The following POU3F3 variants were observed in gnomAD, a reference collection of about 807,000 sequenced individuals.
POU3F3 encodes POU class 3 homeobox 3.
POU3F3 carries 1 observed loss-of-function variant against 8.6 expected under a neutral mutation model. The ratio of observed to expected loss-of-function variants is 0.12; its 90% CI spans 0.04 to 0.55. POU3F3 has a LOEUF of 0.55. Among genes scored for constraint, POU3F3 ranks in the 20% least tolerant of loss-of-function variants. The pLI is 0.91. For missense variants in POU3F3, 577 were observed against 690.7 expected (o/e 0.84, Z 1.84); for synonymous variants, 418 against 327.4 (o/e 1.28, Z -2.99).
chr2:104,907,776 A>T, the POU3F3 span, among the ~76,000 whole-genome samples: 1 of 152,020 alleles, frequency 6.6e-6, no homozygotes, highest in Non-Finnish European at 1.5e-5. Context: ...TGTTATTTTA[A>T]TTACTTTGAC....
At chr2:104,878,195 G>A in the POU3F3 span, among the ~76,000 whole-genome samples, 3 of 152,182 alleles carry the variant, frequency 2.0e-5, no homozygotes, top group African/African-American at 4.8e-5. Flanking sequence ...TGTGCTAGCA[G>A]ACCGAGCCTT....
At chr2:104,872,902 T>C in the POU3F3 span, among the ~76,000 whole-genome samples, 3 of 152,080 alleles carry the variant, frequency 2.0e-5, no homozygotes, top group Admixed American at 6.5e-5. The surrounding 1 kb of genome is among the most constrained non-coding windows in gnomAD (Gnocchi z 4.6). Flanking sequence ...GTGAACTTGG[T>C]GGTGGAGAGA....
Position 104,855,875 on chromosome 2 carries a change from G to T in POU3F3, c.365G>T (p.Trp122Leu). ...AAAAVEASSP[W>L]SGSAVGMAGS... ...GCCGCCGTGGAGGCGAGCTCGCCGT[G>T]GTCGGGCAGCGCCGTGGGCATGGCT... The change falls in exon 1 of 1, where the codon TGG (tryptophan) becomes TTG (leucine). Residue 122 changes from tryptophan (W) to leucine (L), a missense_variant. Around this residue, in one of 7 missense-constraint regions of POU3F3, gnomAD observed 484 missense variants for 422.6 expected, o/e 1.15. Transcript: ENST00000361360. The T allele has an allele frequency of 9.4e-7, 1 of 1,061,556 alleles. No individual in the cohort carries two copies. Among genetic ancestry groups the T allele is most frequent in the Non-Finnish European group, 1.1e-6 (1 of 886,336 alleles). The allele number at this position is 1,061,556 out of a possible 1,614,324, so 65.8% of individuals were successfully genotyped here.
the POU3F3 span, among the ~76,000 whole-genome samples, chr2:104,910,317 G>T: frequency 2.0e-5 from 3 of 152,002 alleles, no homozygotes; most frequent in East Asian, 1.9e-4. Flanking sequence ...GCTCTCTTTG[G>T]CTCCCCTAAG....
the POU3F3 span, among the ~76,000 whole-genome samples, chr2:104,871,448 G>A: frequency 1.3e-5 from 2 of 152,126 alleles, no homozygotes; most frequent in African/African-American, 4.8e-5. Flanking sequence ...TGGGTTTGGA[G>A]TCCTCAACTC....
chr2:104,856,152 G>A lies in POU3F3; in HGVS notation c.642G>A (p.Gln214=). Reference sequence around the variant, plus strand: ...TCCCGTCCATGGCCGGGGGCCAGCAGCCGCCGCCGCAGAGTCTGCTCTACT... The same window carrying A: ...TCCCGTCCATGGCCGGGGGCCAGCAACCGCCGCCGCAGAGTCTGCTCTACT... ...AHLPSMAGGQ[Q]PPPQSLLYSQ... is the part of the protein sequence containing the mutation. The change falls in exon 1 of 1, where the codon CAG becomes CAA. Residue 214 remains glutamine, a synonymous_variant. Coordinates refer to ENST00000361360, the MANE Select transcript of POU3F3 (RefSeq NM_006236.3). 8.0e-7 allele frequency: 1 copy of A among 1,245,922 alleles called. No homozygotes were observed. The highest frequency in any genetic ancestry group is 2.9e-5 in the South Asian group (1 of 34,816). The allele number at this position is 1,245,922 out of a possible 1,614,324, so 77.2% of individuals were successfully genotyped here. A position where few individuals can be genotyped will look rare whatever the true frequency, so the allele number is the denominator to read the frequency against.
chr2:104,920,839 T>C, the POU3F3 span, among the ~76,000 whole-genome samples: 3 of 152,166 alleles, frequency 2.0e-5, no homozygotes, highest in Non-Finnish European at 4.4e-5. Context: ...GGAGCTGCTA[T>C]GTAGCTCTGC....
chr2:104,921,865 C>T, the POU3F3 span, among the ~76,000 whole-genome samples: 2 of 152,108 alleles, frequency 1.3e-5, no homozygotes, highest in Non-Finnish European at 2.9e-5. Flanking sequence ...GACATGGTGG[C>T]ACACACCTGT....
At chr2:104,911,305 T>C in the POU3F3 span, among the ~76,000 whole-genome samples, 1 of 149,002 alleles carries the variant, frequency 6.7e-6, no homozygotes, top group African/African-American at 2.5e-5. Flanking sequence ...TCCCAGCTAC[T>C]AGGGAGGCTG....
the POU3F3 span, among the ~76,000 whole-genome samples, chr2:104,910,185 A>G: frequency 6.6e-6 from 1 of 152,202 alleles, no homozygotes; most frequent in Non-Finnish European, 1.5e-5. Context: ...AATGGGCTAC[A>G]ATAGAAGAGT....
chr2:104,861,653 G>C (rs1676656991), downstream of POU3F3, among the ~76,000 whole-genome samples: 1 of 152,238 alleles, frequency 6.6e-6, no homozygotes. Flanking sequence ...ATGACTGTGA[G>C]TGGAGAAGCC....
At chr2:104,924,201 C>T in the POU3F3 span, among the ~76,000 whole-genome samples, 1 of 152,130 alleles carries the variant, frequency 6.6e-6, no homozygotes. Flanking sequence ...AAAATCACTC[C>T]AGAACAAGAG....
the POU3F3 span, chr2:104,868,291 C>T: frequency 6.6e-6 from 3 of 456,652 alleles, no homozygotes; most frequent in South Asian, 1.5e-5. Flanking sequence ...GCTCAGGGCC[C>T]GAGTTCAGGG....
chr2:104,865,609 T>C, the POU3F3 span: 1 of 152,144 alleles, frequency 6.6e-6, no homozygotes, highest in African/African-American at 2.4e-5. Flanking sequence ...GGCTGGAACA[T>C]TGCACACTGA....
chr2:104,870,258 G>C, the POU3F3 span, among the ~76,000 whole-genome samples: 1 of 152,230 alleles, frequency 6.6e-6, no homozygotes, highest in African/African-American at 2.4e-5. Context: ...CACTGCCTGA[G>C]GTGTGAGCTG....
chr2:104,907,794 T>G, the POU3F3 span, among the ~76,000 whole-genome samples: 4 of 152,152 alleles, frequency 2.6e-5, no homozygotes, highest in Admixed American at 2.0e-4. Context: ...GACTAGTACT[T>G]CTAGAACAAT....
chr2:104,895,141 A>C, the POU3F3 span, among the ~76,000 whole-genome samples: 3 of 152,082 alleles, frequency 2.0e-5, no homozygotes, highest in African/African-American at 7.2e-5. Context: ...CACACTTCAC[A>C]TACAGCTGCA....
chr2:104,855,612 TGGCGGCGGCGGCGGC>T lies in POU3F3; in HGVS notation c.108_122del (p.Gly39_Gly43del). 1 of 643,542 alleles carries T rather than the reference TGGCGGCGGCGGCGGC, an allele frequency of 1.6e-6. No homozygotes were observed. Among genetic ancestry groups the T allele is most frequent in the Non-Finnish European group, 1.7e-6 (1 of 577,012 alleles). 39.9% of individuals were successfully genotyped at this position (643,542 alleles called of 1,614,324 possible). A position where few individuals can be genotyped will look rare whatever the true frequency, so the allele number is the denominator to read the frequency against. On this transcript the variant is annotated inframe_deletion, in exon 1 of 1. Transcript: ENST00000361360. ...CGGCAGGGGCTGGCGGCGGCGGGGG[TGGCGGCGGCGGCGGC>T]GGCGGGGGCGGCGCAGGGGGCGGGG... is the stretch of plus-strand genomic sequence containing the variant.
chr2:104,856,434 C>G lies in POU3F3; in HGVS notation c.924C>G (p.His308Gln). The part of the protein sequence containing the change: ...GGGAGPGLNS[H>Q]DPHSDEDTPT... ...GCGCGGGGCCTGGACTCAACAGCCA[C>G]GACCCGCACTCGGACGAGGACACGC... Residue 308 changes from histidine (H) to glutamine (Q), a missense_variant, in exon 1 of 1, where the codon CAC (histidine) becomes CAG (glutamine). Physicochemically the swap from His to Gln is conservative, Grantham distance 24. This residue lies in a region of POU3F3 where 484 missense variants were observed against 422.6 expected (regional missense o/e 1.15). Coordinates refer to ENST00000361360, the MANE Select transcript of POU3F3 (RefSeq NM_006236.3). 6.2e-7 allele frequency: 1 copy of G among 1,609,798 alleles called. No individual in the cohort carries two copies. Among genetic ancestry groups the G allele is most frequent in the Non-Finnish European group, 8.5e-7 (1 of 1,178,746 alleles).
Sources: gnomAD v4.1 joint callset for allele counts (sites outside exome capture counted in the v4.1 genomes callset) on GRCh38, gnomAD v4.1.1 for gene constraint, gnomAD v4.1.1 regional missense constraint, Gnocchi (gnomAD v3.1) non-coding constraint, MANE v1.5 for transcripts, NCBI Gene and HGNC (gene_info 2026-07-23, HGNC 2026-07-21) for gene names.